The following MAPRE3 variants were observed in gnomAD, a reference collection of about 807,000 sequenced individuals.
MAPRE3 encodes the protein microtubule-associated protein RP/EB family member 3.
Under a neutral mutation model 30.5 loss-of-function variants are expected in MAPRE3, and 2 were observed. The observed-to-expected ratio is 0.07, with a 90% CI of 0.03 to 0.21. MAPRE3 has a LOEUF of 0.21. Ranked by LOEUF, MAPRE3 falls within the 10% of genes least tolerant of loss-of-function variation. The pLI, the probability that MAPRE3 is intolerant of heterozygous loss-of-function variation, is 1.00. For missense variants in MAPRE3, 204 were observed against 351.8 expected, an observed-to-expected ratio of 0.58 and a Z score of 3.36; for synonymous variants, 110 against 127.7, an observed-to-expected ratio of 0.86 and a Z score of 0.93.
intron 1 of MAPRE3, among the ~76,000 whole-genome samples, chr2:27,000,342 G>C (rs948433874): frequency 6.6e-6 from 1 of 152,228 alleles, no homozygotes; most frequent in Non-Finnish European, 1.5e-5. Context: ...CCCGTGGACA[G>C]ATAAGTACAA....
chr2:27,023,710 G>A, intron 3 of MAPRE3: 1 of 553,124 alleles, frequency 1.8e-6, no homozygotes, highest in Non-Finnish European at 3.3e-6. Flanking sequence ...TCTGGACCCT[G>A]CCCACCCCAA....
chr2:26,996,136 A>G (rs1410642012), intron 1 of MAPRE3, among the ~76,000 whole-genome samples: 2 of 148,814 alleles, frequency 1.3e-5, no homozygotes, highest in African/African-American at 5.0e-5. Flanking sequence ...ATTTTATTTT[A>G]TTTTATTTTA....
chr2:27,013,588 T>G (rs1666911830), intron 1 of MAPRE3: 1 of 152,200 alleles, frequency 6.6e-6, no homozygotes, highest in Admixed American at 6.5e-5. Context: ...ATTCAATAAA[T>G]ATATAGGTAC....
At chr2:26,978,761 A>G (rs1293771340) in intron 1 of MAPRE3, among the ~76,000 whole-genome samples, 2 of 152,256 alleles carry the variant, frequency 1.3e-5, no homozygotes, top group East Asian at 3.8e-4. Context: ...CGTATTCTTC[A>G]TCAAGCCCTT....
chr2:26,981,618 G>C (rs1166543706), intron 1 of MAPRE3, among the ~76,000 whole-genome samples: 2 of 152,168 alleles, frequency 1.3e-5, no homozygotes, highest in Non-Finnish European at 2.9e-5. Context: ...CTCAGGAGTC[G>C]AGCTGTGCCT....
chr2:26,993,746 C>G (rs142627074), intron 1 of MAPRE3, among the ~76,000 whole-genome samples: 9 of 152,252 alleles, frequency 5.9e-5, no homozygotes, highest in African/African-American at 1.9e-4. Context: ...CCCTTCTCAG[C>G]CTTACCAACT....
chr2:26,990,084 C>T (rs1246409419), intron 1 of MAPRE3, among the ~76,000 whole-genome samples: 1 of 152,090 alleles, frequency 6.6e-6, no homozygotes, highest in Non-Finnish European at 1.5e-5. Context: ...GGAGCTGAGG[C>T]GGGAGGAACG....
At chr2:27,019,442 T>C (rs12614127) in intron 1 of MAPRE3, among the ~76,000 whole-genome samples, 150,932 of 151,248 alleles carry the variant, frequency 1, 75,310 homozygotes, top group East Asian at 1. Flanking sequence ...GGAGAGGACA[T>C]GAGGCATCAC....
intron 1 of MAPRE3, among the ~76,000 whole-genome samples, chr2:27,019,364 G>A (rs1275107181): frequency 4.7e-5 from 7 of 149,370 alleles, no homozygotes; most frequent in Non-Finnish European, 1.0e-4. Flanking sequence ...CGGGGGGATG[G>A]TGGGGGTATG....
chr2:26,981,210 T>A (rs941037179), intron 1 of MAPRE3, among the ~76,000 whole-genome samples: 3 of 152,040 alleles, frequency 2.0e-5, no homozygotes. Flanking sequence ...ATGGGCTGAG[T>A]CTTTAAAGTC....
At chr2:27,016,440 A>G (rs1666987722) in intron 1 of MAPRE3, among the ~76,000 whole-genome samples, 1 of 144,114 alleles carries the variant, frequency 6.9e-6, no homozygotes, top group South Asian at 2.2e-4. Flanking sequence ...GCTGGAGTGC[A>G]GTGGCGCTAT....
intron 1 of MAPRE3, among the ~76,000 whole-genome samples, chr2:26,975,590 T>C (rs1159394953): frequency 1.3e-5 from 2 of 150,712 alleles, no homozygotes; most frequent in African/African-American, 5.0e-5. Flanking sequence ...TGTTTACCTC[T>C]GGGAGGTGGG....
At chr2:26,972,445 G>A (rs949054929) in intron 1 of MAPRE3, among the ~76,000 whole-genome samples, 1 of 152,248 alleles carries the variant, frequency 6.6e-6, no homozygotes. Context: ...TAAACATAGA[G>A]ATGAAGTTCA....
intron 1 of MAPRE3, among the ~76,000 whole-genome samples, chr2:27,017,815 G>T (rs1162945961): frequency 6.6e-6 from 1 of 152,084 alleles, no homozygotes; most frequent in Admixed American, 6.5e-5. Context: ...GTGTGTGTGT[G>T]TGTGTAAAAT....
At chr2:27,018,258 ACT>A (rs1404375238) in intron 1 of MAPRE3, among the ~76,000 whole-genome samples, 1 of 151,912 alleles carries the variant, frequency 6.6e-6, no homozygotes, top group Non-Finnish European at 1.5e-5. Flanking sequence ...GCCCAGAATC[ACT>A]CTGCCCCAGG....
chr2:26,989,337 G>A (rs1051611613), intron 1 of MAPRE3, among the ~76,000 whole-genome samples: 1 of 152,158 alleles, frequency 6.6e-6, no homozygotes, highest in Non-Finnish European at 1.5e-5. Context: ...GCTGGGTGCT[G>A]TGCAGGATGC....
intron 4 of MAPRE3, among the ~76,000 whole-genome samples, chr2:27,024,593 T>A (rs1667193340): frequency 6.6e-6 from 1 of 152,176 alleles, no homozygotes; most frequent in Non-Finnish European, 1.5e-5. Context: ...TGCCTCAAGA[T>A]GATGGGGCAG....
intron 1 of MAPRE3, among the ~76,000 whole-genome samples, chr2:27,006,128 G>A (rs1172072648): frequency 6.6e-6 from 1 of 152,166 alleles, no homozygotes; most frequent in Non-Finnish European, 1.5e-5. Flanking sequence ...CTGGCACTGA[G>A]CCAAGATTGC....
intron 1 of MAPRE3, among the ~76,000 whole-genome samples, chr2:27,021,898 G>A (rs1667117608): frequency 6.6e-6 from 1 of 152,182 alleles, no homozygotes; most frequent in Admixed American, 6.5e-5. Context: ...TCTTTGTGCT[G>A]TCCCTGAACA....
Sources: allele counts gnomAD v4.1 joint callset (sites outside exome capture counted in the v4.1 genomes callset), GRCh38; gene constraint gnomAD v4.1.1; transcripts MANE v1.5; gene names NCBI Gene and HGNC (gene_info 2026-07-23, HGNC 2026-07-21).